The following LRMDA variants were observed in gnomAD, a reference collection of about 807,000 sequenced individuals.
LRMDA encodes the protein leucine rich melanocyte differentiation associated.
A neutral mutation model predicts 29.8 loss-of-function variants in LRMDA; 18 were observed. That is an observed-to-expected ratio of 0.60 (90% confidence interval 0.42 to 0.90). The LOEUF (loss-of-function observed/expected upper bound fraction) is 0.90. LRMDA is among the 40% of genes least tolerant of loss of function. LRMDA has a pLI of 0.00. For synonymous variants in LRMDA, 125 were observed against 109.4 expected (o/e 1.14, Z -0.89); for missense variants, 273 against 273.9 (o/e 1.00, Z 0.02).
chr10:75,779,735 G>A (rs146265330), intron 2 of LRMDA, among the ~76,000 whole-genome samples: 22 of 152,306 alleles, frequency 1.4e-4, no homozygotes, highest in Non-Finnish European at 1.6e-4. Context: ...GGATCTGGCT[G>A]GATGAAGGCT....
chr10:75,966,106 TC>T (rs113823103), intron 2 of LRMDA, among the ~76,000 whole-genome samples: 14 of 152,334 alleles, frequency 9.2e-5, no homozygotes, highest in African/African-American at 2.9e-4. Flanking sequence ...TTTCATGTCT[TC>T]CTATCATCCA....
At chr10:75,664,828 C>A (rs1285881637) in intron 2 of LRMDA, among the ~76,000 whole-genome samples, 2 of 152,148 alleles carry the variant, frequency 1.3e-5, no homozygotes, top group African/African-American at 4.8e-5. Flanking sequence ...AGTAATTCAA[C>A]CATAAATGCT....
chr10:75,533,549 C>G (rs2132044518), intron 2 of LRMDA, among the ~76,000 whole-genome samples: 1 of 152,288 alleles, frequency 6.6e-6, no homozygotes, highest in African/African-American at 2.4e-5. Flanking sequence ...CTCCCACTGA[C>G]TTGGTTAAAA....
chr10:75,692,219 A>ATATATAT (rs1554820676), intron 2 of LRMDA, among the ~76,000 whole-genome samples: 1 of 87,546 alleles, frequency 1.1e-5, no homozygotes, highest in Non-Finnish European at 2.0e-5. Context: ...AAAAAAAAAA[A>ATATATAT]ATATATATAT....
intron 2 of LRMDA, among the ~76,000 whole-genome samples, chr10:75,617,376 G>C (rs1037537726): frequency 2.0e-5 from 3 of 152,190 alleles, no homozygotes; most frequent in African/African-American, 7.2e-5. Flanking sequence ...CATGGTGGCA[G>C]CTTGTGTCTC....
intron 2 of LRMDA, among the ~76,000 whole-genome samples, chr10:75,713,862 C>T (rs745526227): frequency 6.6e-5 from 10 of 152,086 alleles, no homozygotes; most frequent in South Asian, 4.2e-4. Flanking sequence ...TCTCTCTCTC[C>T]TCTCTCCCCA....
At chr10:76,311,140 G>A (rs1193442217) in intron 5 of LRMDA, among the ~76,000 whole-genome samples, 2 of 152,148 alleles carry the variant, frequency 1.3e-5, no homozygotes, top group East Asian at 1.9e-4. Flanking sequence ...ACAAAAGCCA[G>A]TATTTGACTC....
At chr10:76,126,344 C>T (rs7913551) in intron 5 of LRMDA, among the ~76,000 whole-genome samples, 8,998 of 152,218 alleles carry the variant, frequency 0.059, 870 homozygotes, top group African/African-American at 0.2. Context: ...TTGCAGATAG[C>T]GCATAGGCAT....
intron 2 of LRMDA, among the ~76,000 whole-genome samples, chr10:75,907,285 G>A (rs563835743): frequency 8.5e-5 from 13 of 152,314 alleles, no homozygotes; most frequent in African/African-American, 3.1e-4. Flanking sequence ...TTAATTGCAA[G>A]TTCAATTAAA....
At chr10:75,999,647 G>A (rs1026912673) in intron 2 of LRMDA, among the ~76,000 whole-genome samples, 6 of 152,178 alleles carry the variant, frequency 3.9e-5, no homozygotes, top group African/African-American at 1.4e-4. Flanking sequence ...ATTCATTTCA[G>A]TGGCGTTGAC....
intron 2 of LRMDA, among the ~76,000 whole-genome samples, chr10:75,907,444 C>A (rs1248181382): frequency 2.0e-5 from 3 of 152,196 alleles, no homozygotes; most frequent in Admixed American, 2.0e-4. Flanking sequence ...TTTCTAAACT[C>A]ATTCTGCTAA....
chr10:76,052,165 C>A (rs1564639776), intron 4 of LRMDA, among the ~76,000 whole-genome samples: 1 of 152,190 alleles, frequency 6.6e-6, no homozygotes, highest in East Asian at 1.9e-4. Context: ...TAGCTTGTAC[C>A]ATGTCTCACT....
chr10:76,438,137 C>T (rs1008103027), intron 6 of LRMDA, among the ~76,000 whole-genome samples: 8 of 152,136 alleles, frequency 5.3e-5, no homozygotes, highest in African/African-American at 1.9e-4. Context: ...GGCATCTGTG[C>T]TTTTCACATG....
chr10:76,075,991 A>G (rs1589315795), intron 5 of LRMDA, among the ~76,000 whole-genome samples: 1 of 152,224 alleles, frequency 6.6e-6, no homozygotes, highest in East Asian at 1.9e-4. Context: ...TAAGGGATTA[A>G]AGGAAATAAT....
At chr10:76,170,429 A>G (rs1442424272) in intron 5 of LRMDA, among the ~76,000 whole-genome samples, 10 of 152,228 alleles carry the variant, frequency 6.6e-5, no homozygotes, top group Admixed American at 6.5e-4. Flanking sequence ...ATTTGTTTAC[A>G]GTAAATATTG....
chr10:76,508,400 T>G (rs978791721), intron 6 of LRMDA, among the ~76,000 whole-genome samples: 1 of 152,226 alleles, frequency 6.6e-6, no homozygotes, highest in African/African-American at 2.4e-5. Flanking sequence ...CTTATACATT[T>G]ATTTCTCCAA....
At position 76,557,643 on chromosome 10, in the gene LRMDA, G is replaced by T; in HGVS notation, c.*355G>T. ...CAGAGGTCACACCTGGGGCCTCCCTGGACATGCTCAGTGGCTGCAGTCAAG... is the reference window on the plus strand; with the variant it reads ...CAGAGGTCACACCTGGGGCCTCCCTTGACATGCTCAGTGGCTGCAGTCAAG... On this transcript the variant is annotated 3_prime_UTR_variant, in exon 7 of 7. Coordinates refer to ENST00000611255, the MANE Select transcript of LRMDA (RefSeq NM_001305581.2). 3.8e-6 allele frequency: 1 copy of T among 262,182 alleles called. No individual in the cohort carries two copies. The highest frequency in any genetic ancestry group is 7.5e-5 in the South Asian group (1 of 13,384). 16.2% of individuals were successfully genotyped at this position (262,182 alleles called of 1,614,324 possible).
chr10:76,258,979 C>T (rs1267464446), intron 5 of LRMDA, among the ~76,000 whole-genome samples: 1 of 152,016 alleles, frequency 6.6e-6, no homozygotes, highest in African/African-American at 2.4e-5. Flanking sequence ...TATATACATT[C>T]TTAGTAGAAG....
rs1200913071 is a variant in LRMDA, at chr10:76,558,804, A to ATGAC, written c.*1517_*1520dup. On this transcript the variant is annotated 3_prime_UTR_variant, in exon 7 of 7. Transcript: ENST00000611255. ...CCCACTGAGTCAACACAGGCCTTGAATGACATGTATTGAGGCTGGCAGGAG... is the reference window on the plus strand; with the variant it reads ...CCCACTGAGTCAACACAGGCCTTGAATGACTGACATGTATTGAGGCTGGCAGGAG... 6.6e-6 allele frequency: 1 copy of ATGAC among 152,198 alleles called. No homozygotes were observed. Among genetic ancestry groups the ATGAC allele is most frequent in the African/African-American group, 2.4e-5 (1 of 41,456 alleles). The allele number at this position is 152,198 out of a possible 1,614,324, so 9.4% of individuals were successfully genotyped here.
Sources: gnomAD v4.1 joint callset for allele counts (sites outside exome capture counted in the v4.1 genomes callset) on GRCh38, gnomAD v4.1.1 for gene constraint, MANE v1.5 for transcripts, NCBI Gene and HGNC (gene_info 2026-07-23, HGNC 2026-07-21) for gene names.